WDR72: variants seen among roughly 807,000 people sequenced by gnomAD.
The protein encoded by WDR72 is WD repeat domain 72.
In WDR72, 120 loss-of-function variants were observed where a neutral mutation model predicts 124.2. That is an observed-to-expected ratio of 0.97 (90% CI 0.83 to 1.12). WDR72 has a LOEUF of 1.12. Among genes scored for constraint, WDR72 ranks in the 50% most tolerant of loss-of-function variants. WDR72 has a pLI of 0.00. For missense variants in WDR72, 1,387 were observed against 1,278.8 expected (o/e 1.08, Z -1.29); for synonymous variants, 452 against 441.7 (o/e 1.02, Z -0.29).
chr15:53,549,239 T>C (rs1281837090), intron 18 of WDR72, among the ~76,000 whole-genome samples: 2 of 152,148 alleles, frequency 1.3e-5, no homozygotes, highest in African/African-American at 4.8e-5. Flanking sequence ...GCAAGAGACA[T>C]TGAACAAGTA....
intron 9 of WDR72, among the ~76,000 whole-genome samples, chr15:53,709,922 C>T (rs988441952): frequency 6.6e-6 from 1 of 152,170 alleles, no homozygotes; most frequent in African/African-American, 2.4e-5. Flanking sequence ...TTGGTTGACA[C>T]ATCAATAATT....
chr15:53,636,531 T>C (rs2014630132), intron 14 of WDR72, among the ~76,000 whole-genome samples: 1 of 152,186 alleles, frequency 6.6e-6, no homozygotes, highest in African/African-American at 2.4e-5. Context: ...ACATCACATA[T>C]ACTATCAATA....
intron 13 of WDR72, among the ~76,000 whole-genome samples, chr15:53,680,640 C>T (rs1237800770): frequency 6.6e-6 from 1 of 152,088 alleles, no homozygotes; most frequent in African/African-American, 2.4e-5. Context: ...GAACCTTAAC[C>T]CCATAAATTT....
At chr15:53,641,986 T>C (rs1405838106) in intron 14 of WDR72, among the ~76,000 whole-genome samples, 1 of 151,888 alleles carries the variant, frequency 6.6e-6, no homozygotes, top group Non-Finnish European at 1.5e-5. Flanking sequence ...CAGAAAAAAA[T>C]GTTAAATAAT....
At chr15:53,736,205 C>A (rs997660481) in intron 1 of WDR72, among the ~76,000 whole-genome samples, 5 of 152,052 alleles carry the variant, frequency 3.3e-5, no homozygotes, top group African/African-American at 1.2e-4. Flanking sequence ...CTAATTCAGT[C>A]CTAAAGCCAT....
intron 14 of WDR72, among the ~76,000 whole-genome samples, chr15:53,617,633 T>C (rs2013822670): frequency 6.6e-6 from 1 of 151,754 alleles, no homozygotes; most frequent in African/African-American, 2.4e-5. Context: ...GATGGATGAA[T>C]GGGCAAAGAT....
Position 53,728,837 on chromosome 15 carries a change from G to A in WDR72, c.153+4160C>T, listed in dbSNP as rs188767475. ...TAGAGGGCTATGGGAGTCAGACTTCGAACTCAAAGGCAGCATGTATAATCT... is the reference window on the plus strand; with the variant it reads ...TAGAGGGCTATGGGAGTCAGACTTCAAACTCAAAGGCAGCATGTATAATCT... On this transcript the variant is annotated intron_variant, in intron 2 of 19. Transcript: ENST00000360509. 1.1e-4 allele frequency among the ~76,000 whole-genome samples: 16 copies of A among 152,192 alleles called. No individual in the cohort carries two copies. In the East Asian group the frequency reaches 2.1e-3, roughly 20 times the overall value.
At chr15:53,720,652 C>T (rs2017852334) in intron 3 of WDR72, among the ~76,000 whole-genome samples, 1 of 152,304 alleles carries the variant, frequency 6.6e-6, no homozygotes, top group South Asian at 2.1e-4. Flanking sequence ...AGGGATTTCA[C>T]TGCTGTCATT....
chr15:53,701,383 A>T (rs2017168639), intron 12 of WDR72, among the ~76,000 whole-genome samples: 1 of 152,090 alleles, frequency 6.6e-6, no homozygotes, highest in African/African-American at 2.4e-5. Context: ...TTCTACAAAA[A>T]CAAAAATAAA....
At chr15:53,607,577 T>C (rs565385355) in intron 17 of WDR72, among the ~76,000 whole-genome samples, 1 of 152,014 alleles carries the variant, frequency 6.6e-6, no homozygotes, top group Non-Finnish European at 1.5e-5. Flanking sequence ...CAAGAAAACA[T>C]TGGGGGAGAT....
chr15:53,600,707 AT>A (rs1382038750), intron 17 of WDR72, among the ~76,000 whole-genome samples: 1 of 152,036 alleles, frequency 6.6e-6, no homozygotes, highest in Admixed American at 6.6e-5. Context: ...GTCATAAAAC[AT>A]TTTTCCCAAC....
At chr15:53,597,774 G>A (rs1021717245) in intron 17 of WDR72, among the ~76,000 whole-genome samples, 10 of 152,116 alleles carry the variant, frequency 6.6e-5, no homozygotes, top group Admixed American at 5.2e-4. Flanking sequence ...GTATACCTAT[G>A]TGGTTTTACA....
At chr15:53,609,444 G>A (rs1158387810) in intron 17 of WDR72, 69 bp downstream of exon 17, 6 of 1,319,794 alleles carry the variant, frequency 4.5e-6, no homozygotes, top group Non-Finnish European at 6.5e-6. Flanking sequence ...TCAGATAGAG[G>A]GGGGTATCCA....
chr15:53,578,738 A>AAAACAAACAAAC (rs145536735), intron 18 of WDR72, among the ~76,000 whole-genome samples: 50 of 151,958 alleles, frequency 3.3e-4, no homozygotes, highest in Middle Eastern at 3.4e-3. Flanking sequence ...AATAAAACTT[A>AAAACAAACAAAC]AAACAAACAA....
intron 18 of WDR72, among the ~76,000 whole-genome samples, chr15:53,532,572 T>C (rs1241768974): frequency 2.0e-5 from 3 of 151,778 alleles, no homozygotes; most frequent in Non-Finnish European, 4.4e-5. Context: ...TTCTCACTAA[T>C]ATATGACAGC....
intron 1 of WDR72, among the ~76,000 whole-genome samples, chr15:53,745,034 TAAAA>T (rs35297294): frequency 1.4e-5 from 2 of 144,656 alleles, no homozygotes; most frequent in Non-Finnish European, 1.5e-5. Flanking sequence ...TACTTTATTG[TAAAA>T]AAAAAAAAAG....
At chr15:53,666,697 T>C (rs2015791658) in intron 13 of WDR72, among the ~76,000 whole-genome samples, 1 of 152,230 alleles carries the variant, frequency 6.6e-6, no homozygotes, top group Non-Finnish European at 1.5e-5. Flanking sequence ...AGATGTACTA[T>C]TTATATTGTT....
rs200822732 is a variant in WDR72, at chr15:53,714,481, C to G, written c.544G>C (p.Gly182Arg). The G allele has an allele frequency of 2.1e-5, 34 of 1,613,642 alleles. No individual in the cohort carries two copies. In the Admixed American group the frequency reaches 5.2e-4, roughly 25 times the overall value. ...GAAAGATCCCATACTTTGAGCTCACCAGCTACTGATACCACCAAGAGAGAA... is the reference window on the plus strand; with the variant it reads ...GAAAGATCCCATACTTTGAGCTCACGAGCTACTGATACCACCAAGAGAGAA... ...EDSLLVVSVAGELKVWDLSSS... is the reference protein window; with the variant it reads ...EDSLLVVSVARELKVWDLSSS... Residue 182 changes from glycine to arginine, a missense_variant, in exon 6 of 20, where the codon GGT becomes CGT. Physicochemically the swap from Gly to Arg is moderately radical, Grantham distance 125 (BLOSUM62 -2). Coordinates refer to ENST00000360509, the MANE Select transcript of WDR72 (RefSeq NM_182758.4).
At chr15:53,572,427 T>G (rs1440224929) in intron 18 of WDR72, among the ~76,000 whole-genome samples, 1 of 150,498 alleles carries the variant, frequency 6.6e-6, no homozygotes, top group Non-Finnish European at 1.5e-5. Context: ...TTTTTTGCCC[T>G]ACCTATGATA....
Sources: allele counts gnomAD v4.1 joint callset (sites outside exome capture counted in the v4.1 genomes callset), GRCh38; gene constraint gnomAD v4.1.1; transcripts MANE v1.5; gene names NCBI Gene and HGNC (gene_info 2026-07-23, HGNC 2026-07-21).